The following SOS1 variants were observed in gnomAD, a reference collection of about 807,000 sequenced individuals.
SOS1 encodes the protein SOS Ras/Rac guanine nucleotide exchange factor 1.
SOS1 carries 25 observed loss-of-function variants against 157.6 expected under a neutral mutation model. That is an observed-to-expected ratio of 0.16 (90% CI 0.12 to 0.22). The LOEUF (loss-of-function observed/expected upper bound fraction) is 0.22, where lower values mean the gene tolerates loss of function less well. Among genes scored for constraint, SOS1 ranks in the 10% least tolerant of loss-of-function variants. SOS1 has a pLI of 1.00. For synonymous variants in SOS1, 528 were observed against 534.0 expected (o/e 0.99, Z 0.16); for missense variants, 1,237 against 1,599.1 (o/e 0.77, Z 3.86).
chr2:39,052,305 T>C (rs1291278681), intron 5 of SOS1, among the ~76,000 whole-genome samples: 1 of 152,238 alleles, frequency 6.6e-6, no homozygotes, highest in Non-Finnish European at 1.5e-5. Context: ...ACTATATTTA[T>C]CAAGTTGACT....
chr2:39,035,381 T>G lies in SOS1; in HGVS notation c.975+9A>C, dbSNP rs761797990. ...GACATTGTACATCTTCATTTAAAAA[T>G]TACTATACCTGCAAATAAAGTGCTG... On this transcript the variant is annotated intron_variant, in intron 7 of 22. Transcript: ENST00000402219. The G allele has an allele frequency of 1.2e-6, 2 of 1,608,522 alleles. No individual in the cohort carries two copies. Among genetic ancestry groups the G allele is most frequent in the Non-Finnish European group, 1.7e-6 (2 of 1,175,026 alleles).
At chr2:38,989,416 G>A (rs1168308882) in intron 20 of SOS1, 102 bp from the exon 21 acceptor site, 10 of 766,114 alleles carry the variant, frequency 1.3e-5, no homozygotes, top group East Asian at 5.3e-5. Flanking sequence ...TGTCATTGTC[G>A]TTTTAAAGAA....
chr2:39,095,995 T>C (rs1672753681), intron 1 of SOS1, among the ~76,000 whole-genome samples: 1 of 152,214 alleles, frequency 6.6e-6, no homozygotes, highest in Non-Finnish European at 1.5e-5. Context: ...GCTATTTGGC[T>C]ACCCAAATTC....
chr2:39,036,808 C>G (rs1670369487), intron 6 of SOS1, among the ~76,000 whole-genome samples: 1 of 151,976 alleles, frequency 6.6e-6, no homozygotes, highest in Admixed American at 6.6e-5. Context: ...ATCTCCTGAC[C>G]TCGTGATCCG....
At chr2:39,074,675 C>A (rs297132) in intron 1 of SOS1, among the ~76,000 whole-genome samples, 119,089 of 152,048 alleles carry the variant, frequency 0.78, 49,456 homozygotes, top group Non-Finnish European at 0.92. Context: ...CAAGACCAGC[C>A]TGACCAACAT....
intron 1 of SOS1, among the ~76,000 whole-genome samples, chr2:39,079,655 C>T (rs1478125113): frequency 2.6e-5 from 4 of 151,724 alleles, no homozygotes; most frequent in East Asian, 1.9e-4. Context: ...CCACCATGCC[C>T]GGCTAATTTT....
intron 6 of SOS1, among the ~76,000 whole-genome samples, chr2:39,039,981 T>C (rs1670500756): frequency 6.6e-6 from 1 of 152,190 alleles, no homozygotes; most frequent in South Asian, 2.1e-4. Flanking sequence ...TCATCCATGT[T>C]GTAGCATGTT....
chr2:38,990,620 C>T (rs1668703420), intron 20 of SOS1, among the ~76,000 whole-genome samples: 1 of 152,094 alleles, frequency 6.6e-6, no homozygotes. Context: ...GGAGATATGC[C>T]TCAAGAACAT....
chr2:39,003,071 A>AC (rs1558463823), intron 17 of SOS1, among the ~76,000 whole-genome samples: 9 of 126,176 alleles, frequency 7.1e-5, no homozygotes, highest in Non-Finnish European at 1.5e-4. Context: ...TGTATCAAAA[A>AC]AAAAAAAGAA....
intron 2 of SOS1, among the ~76,000 whole-genome samples, chr2:39,060,430 ATATT>A (rs1671360599): frequency 6.6e-6 from 1 of 152,102 alleles, no homozygotes; most frequent in Non-Finnish European, 1.5e-5. Flanking sequence ...TTTTATTTGT[ATATT>A]TATTTATTCT....
At chr2:39,018,503 GTC>G (rs1669700105) in intron 10 of SOS1, among the ~76,000 whole-genome samples, 1 of 151,592 alleles carries the variant, frequency 6.6e-6, no homozygotes, top group African/African-American at 2.4e-5. Context: ...CTGACCTTCT[GTC>G]TCTGTTTTCC....
At chr2:38,990,113 C>T (rs1668684321) in intron 20 of SOS1, among the ~76,000 whole-genome samples, 2 of 151,096 alleles carry the variant, frequency 1.3e-5, no homozygotes, top group Non-Finnish European at 2.9e-5. Context: ...AACGTTATAA[C>T]ATCCAAGAGA....
At chr2:39,113,120 T>C (rs1157554403) in intron 1 of SOS1, among the ~76,000 whole-genome samples, 1 of 152,112 alleles carries the variant, frequency 6.6e-6, no homozygotes, top group Non-Finnish European at 1.5e-5. Flanking sequence ...CCCATCTTTA[T>C]CACTTTCCCT....
intron 1 of SOS1, among the ~76,000 whole-genome samples, chr2:39,109,791 GGA>G (rs1673343846): frequency 6.6e-6 from 1 of 152,118 alleles, no homozygotes; most frequent in Non-Finnish European, 1.5e-5. Context: ...ATATTGCCTA[GGA>G]TACTGGCACA....
At chr2:39,003,922 T>G (rs981900650) in intron 17 of SOS1, among the ~76,000 whole-genome samples, 7 of 152,144 alleles carry the variant, frequency 4.6e-5, no homozygotes, top group African/African-American at 1.7e-4. Context: ...ATGTTAACAA[T>G]ATCTCTATCC....
intron 6 of SOS1, among the ~76,000 whole-genome samples, chr2:39,049,007 T>C (rs1286394453): frequency 6.6e-6 from 1 of 152,092 alleles, no homozygotes; most frequent in Admixed American, 6.5e-5. Context: ...AGTCTCCACC[T>C]CCTGGGTTCA....
intron 1 of SOS1, 69 bp downstream of exon 1, chr2:39,120,266 TC>T: frequency 7.3e-7 from 1 of 1,376,684 alleles, no homozygotes; most frequent in Non-Finnish European, 9.6e-7. Flanking sequence ...GCGCCCCGCC[TC>T]CCCAGCCCTT....
At chr2:39,000,831 G>C (rs1286660831) in intron 17 of SOS1, among the ~76,000 whole-genome samples, 1 of 152,200 alleles carries the variant, frequency 6.6e-6, no homozygotes, top group Admixed American at 6.5e-5. Flanking sequence ...TCGATTGAAT[G>C]AAAGAAGTAT....
At chr2:39,046,605 C>T (rs900171329) in intron 6 of SOS1, among the ~76,000 whole-genome samples, 5 of 150,892 alleles carry the variant, frequency 3.3e-5, no homozygotes, top group Non-Finnish European at 5.9e-5. Flanking sequence ...CCCGGGTTCA[C>T]GCCATTCTCC....
Sources: allele counts gnomAD v4.1 joint callset (sites outside exome capture counted in the v4.1 genomes callset), GRCh38; gene constraint gnomAD v4.1.1; transcripts MANE v1.5; gene names NCBI Gene and HGNC (gene_info 2026-07-23, HGNC 2026-07-21).